GMDS: variants seen among roughly 807,000 people sequenced by gnomAD.
The protein encoded by GMDS is GDP-mannose 4,6-dehydratase, also known as GDP-mannose 4,6 dehydratase.
In GMDS, 20 loss-of-function variants were observed where a neutral mutation model predicts 49.9. The observed-to-expected ratio is 0.40, with a 90% CI of 0.28 to 0.58. GMDS has a LOEUF of 0.58. Among genes scored for constraint, GMDS ranks in the 20% least tolerant of loss-of-function variants. GMDS has a pLI of 0.42. For synonymous variants in GMDS, 177 were observed against 178.6 expected (o/e 0.99, Z 0.07); for missense variants, 362 against 481.4 (o/e 0.75, Z 2.32).
intron 4 of GMDS, among the ~76,000 whole-genome samples, chr6:2,063,379 G>A (rs1271035555): frequency 2.0e-5 from 3 of 152,064 alleles, no homozygotes; most frequent in African/African-American, 7.2e-5. Flanking sequence ...CAATTTGTAA[G>A]TAAATACATG....
At chr6:2,076,748 A>G (rs1028398015) in intron 4 of GMDS, among the ~76,000 whole-genome samples, 11 of 152,232 alleles carry the variant, frequency 7.2e-5, no homozygotes, top group African/African-American at 2.7e-4. Context: ...TACACCTTAT[A>G]CAAAAATTAA....
chr6:1,994,282 CA>C (rs1766139792), intron 4 of GMDS, among the ~76,000 whole-genome samples: 1 of 152,038 alleles, frequency 6.6e-6, no homozygotes, highest in African/African-American at 2.4e-5. Context: ...TCAACCAAAA[CA>C]AATATACAAT....
At chr6:1,967,060 C>G (rs1035972591) in intron 4 of GMDS, among the ~76,000 whole-genome samples, 1 of 152,136 alleles carries the variant, frequency 6.6e-6, no homozygotes, top group South Asian at 2.1e-4. Flanking sequence ...CCTAGTCTGG[C>G]GTCAGCTGGT....
intron 9 of GMDS, among the ~76,000 whole-genome samples, chr6:1,666,443 T>G (rs1764242384): frequency 6.6e-6 from 1 of 152,222 alleles, no homozygotes; most frequent in Non-Finnish European, 1.5e-5. Context: ...CCTCTCAGCC[T>G]AGTTACACCA....
At chr6:1,876,199 A>G (rs1028413399) in intron 7 of GMDS, among the ~76,000 whole-genome samples, 1 of 150,590 alleles carries the variant, frequency 6.6e-6, no homozygotes, top group Non-Finnish European at 1.5e-5. Context: ...CAGAGGTTGC[A>G]GTGAGCCGAG....
chr6:1,860,090 C>T (rs140016088), intron 7 of GMDS, among the ~76,000 whole-genome samples: 88 of 152,178 alleles, frequency 5.8e-4, no homozygotes, highest in Middle Eastern at 6.8e-3. Flanking sequence ...AAACAAAACC[C>T]TATATAACAA....
intron 4 of GMDS, among the ~76,000 whole-genome samples, chr6:2,085,788 A>G (rs1562041279): frequency 6.6e-6 from 1 of 152,164 alleles, no homozygotes; most frequent in Admixed American, 6.6e-5. Flanking sequence ...TCGGCTTCCC[A>G]AAGTGCTGGA....
intron 9 of GMDS, among the ~76,000 whole-genome samples, chr6:1,685,108 T>C (rs1764929319): frequency 6.6e-6 from 1 of 151,074 alleles, no homozygotes; most frequent in Non-Finnish European, 1.5e-5. Context: ...TAAAAAGTAA[T>C]AGAGGAGGCT....
At chr6:2,129,597 T>G (rs1775627864) in intron 1 of GMDS, among the ~76,000 whole-genome samples, 1 of 152,214 alleles carries the variant, frequency 6.6e-6, no homozygotes, top group African/African-American at 2.4e-5. Context: ...TAACCCCTTC[T>G]GCAAGAAGAG....
intron 1 of GMDS, among the ~76,000 whole-genome samples, chr6:2,233,883 G>A (rs1056367888): frequency 6.6e-6 from 1 of 152,142 alleles, no homozygotes; most frequent in Non-Finnish European, 1.5e-5. Context: ...ACAGTTTGTC[G>A]ATCCTGCTCT....
intron 1 of GMDS, among the ~76,000 whole-genome samples, chr6:2,214,544 T>C (rs971905219): frequency 6.6e-6 from 1 of 152,202 alleles, no homozygotes; most frequent in African/African-American, 2.4e-5. Context: ...TGTGTGCAGG[T>C]TACATGCAAA....
intron 1 of GMDS, among the ~76,000 whole-genome samples, chr6:2,159,835 A>G (rs1777302659): frequency 6.6e-6 from 1 of 152,052 alleles, no homozygotes; most frequent in East Asian, 1.9e-4. Context: ...CAATATTTCT[A>G]GGCTACACAG....
At chr6:1,914,332 T>C (rs1038254730) in intron 7 of GMDS, among the ~76,000 whole-genome samples, 2 of 151,098 alleles carry the variant, frequency 1.3e-5, no homozygotes, top group African/African-American at 2.4e-5. Flanking sequence ...GGTGGGCGCC[T>C]GCATTCCCAG....
chr6:1,714,945 G>A (rs535259680), intron 9 of GMDS, among the ~76,000 whole-genome samples: 15 of 152,344 alleles, frequency 9.8e-5, no homozygotes, highest in African/African-American at 3.6e-4. Flanking sequence ...GTGGAGAGGA[G>A]CCAGGGAGCA....
chr6:2,034,540 T>C (rs956400451), intron 4 of GMDS, among the ~76,000 whole-genome samples: 1 of 152,174 alleles, frequency 6.6e-6, no homozygotes, highest in African/African-American at 2.4e-5. Flanking sequence ...CTTTAAATAG[T>C]TGAATTTATG....
At chr6:1,892,558 C>T (rs1759922511) in intron 7 of GMDS, among the ~76,000 whole-genome samples, 1 of 152,056 alleles carries the variant, frequency 6.6e-6, no homozygotes, top group Admixed American at 6.5e-5. Flanking sequence ...GGGGTTTCAC[C>T]ACATTGGTCA....
chr6:2,240,812 T>C lies in GMDS; in HGVS notation c.102+4509A>G, dbSNP rs184758365. The stretch of plus-strand genomic sequence containing the variant: ...TAGACTATCAATGTCATAAGGAAGA[T>C]GGTAATTCAGTCTGTTGCATTTGCT... On this transcript the variant is annotated intron_variant, in intron 1 of 10. Transcript: ENST00000380815. 4.5e-4 allele frequency among the ~76,000 whole-genome samples: 68 copies of C among 152,328 alleles called. 1 individual carries two copies. In the East Asian group the frequency reaches 0.012, roughly 26 times the overall value.
In GMDS at chr6:1,858,996, T is replaced by C. The variant is rs116556088; in HGVS notation, c.771+71107A>G. ...GGGCAGGCACTTAACTGAGATGACA[T>C]AGAAGCACACTGGCAGGATTCTCAG... is the stretch of plus-strand genomic sequence containing the variant. On this transcript the variant is annotated intron_variant, in intron 7 of 10. Coordinates refer to ENST00000380815, the MANE Select transcript of GMDS (RefSeq NM_001500.4). Among the ~76,000 whole-genome samples, 833 of 152,162 alleles carry C rather than the reference T, an allele frequency of 5.5e-3. 8 individuals are homozygous for C. The highest frequency in any genetic ancestry group is 0.019 in the African/African-American group (790 of 41,484).
chr6:1,814,472 C>T (rs1308278974), intron 7 of GMDS, among the ~76,000 whole-genome samples: 2 of 152,048 alleles, frequency 1.3e-5, no homozygotes, highest in Non-Finnish European at 2.9e-5. Flanking sequence ...CCCTCAGGAC[C>T]ACCCACACTG....
Sources: allele counts gnomAD v4.1 joint callset (sites outside exome capture counted in the v4.1 genomes callset), GRCh38; gene constraint gnomAD v4.1.1; transcripts MANE v1.5; gene names NCBI Gene and HGNC (gene_info 2026-07-23, HGNC 2026-07-21).